Variants in SEMA3A observed in about 807,000 individuals in gnomAD.
SEMA3A encodes semaphorin-3A.
SEMA3A carries 29 observed loss-of-function variants against 97.9 expected under a neutral mutation model. The ratio of observed to expected loss-of-function variants is 0.30; its 90% CI spans 0.22 to 0.40. The LOEUF (loss-of-function observed/expected upper bound fraction) is 0.40. Ranked by LOEUF, SEMA3A falls within the 10% of genes least tolerant of loss-of-function variation. The pLI, the probability that SEMA3A is intolerant of heterozygous loss-of-function variation, is 1.00. For synonymous variants in SEMA3A, 321 were observed against 323.7 expected, an observed-to-expected ratio of 0.99 and a Z score of 0.09; for missense variants, 763 against 951.3, an observed-to-expected ratio of 0.80 and a Z score of 2.60.
At chr7:84,155,233 T>C (rs1243289075) in intron 1 of SEMA3A, among the ~76,000 whole-genome samples, 2 of 152,180 alleles carry the variant, frequency 1.3e-5, no homozygotes, top group African/African-American at 2.4e-5. Flanking sequence ...CTGCCTATGA[T>C]TGAATCAGCA....
intron 2 of SEMA3A, among the ~76,000 whole-genome samples, chr7:84,350,241 TCTC>T (rs768736949): frequency 6.6e-6 from 1 of 152,146 alleles, no homozygotes; most frequent in Non-Finnish European, 1.5e-5. Flanking sequence ...TCATTCTACA[TCTC>T]CTCCTTTACT....
At chr7:84,367,826 T>C (rs16887701) in intron 2 of SEMA3A, among the ~76,000 whole-genome samples, 34,183 of 151,052 alleles carry the variant, frequency 0.23, 4,977 homozygotes, top group East Asian at 0.63. Flanking sequence ...AGAAACTGCA[T>C]TGAATTCTTT....
intron 1 of SEMA3A, among the ~76,000 whole-genome samples, chr7:84,396,421 A>G (rs1009600140): frequency 1.3e-5 from 2 of 151,942 alleles, no homozygotes; most frequent in Non-Finnish European, 2.9e-5. Flanking sequence ...GACAAAGAGA[A>G]TGTTTTAGAA....
intron 1 of SEMA3A, among the ~76,000 whole-genome samples, chr7:84,185,834 G>A (rs1164914151): frequency 2.6e-5 from 4 of 151,482 alleles, no homozygotes; most frequent in Admixed American, 6.6e-5. Flanking sequence ...CAAAATCAAC[G>A]TCCTTTTCTT....
At chr7:84,162,592 T>A (rs1557935) in intron 1 of SEMA3A, among the ~76,000 whole-genome samples, 60,493 of 150,810 alleles carry the variant, frequency 0.4, 13,883 homozygotes, top group African/African-American at 0.64. Context: ...AATTTTTTTT[T>A]AAAAAAAAAT....
chr7:84,257,680 A>C (rs1368186810), intron 3 of SEMA3A, among the ~76,000 whole-genome samples: 1 of 152,130 alleles, frequency 6.6e-6, no homozygotes, highest in Non-Finnish European at 1.5e-5. Context: ...TTCATCAACT[A>C]TGTGTGTATT....
chr7:84,382,282 ATT>A (rs1287553612), intron 1 of SEMA3A, among the ~76,000 whole-genome samples: 3 of 151,302 alleles, frequency 2.0e-5, no homozygotes, highest in Admixed American at 2.0e-4. Context: ...TAATTTTTGT[ATT>A]TTAGTAGAGA....
At chr7:84,034,785 T>G (rs1314343759) in intron 6 of SEMA3A, among the ~76,000 whole-genome samples, 2 of 78,464 alleles carry the variant, frequency 2.5e-5, no homozygotes, top group African/African-American at 8.3e-5. Flanking sequence ...TCCTGTTTTT[T>G]TGTCTTTTTT....
chr7:84,316,755 T>A (rs1177625451), intron 2 of SEMA3A, among the ~76,000 whole-genome samples: 1 of 152,086 alleles, frequency 6.6e-6, no homozygotes, highest in Non-Finnish European at 1.5e-5. Flanking sequence ...AGAAGCAGAT[T>A]TTTTTTTCCA....
intron 2 of SEMA3A, among the ~76,000 whole-genome samples, chr7:84,366,102 T>C (rs1255711835): frequency 6.6e-6 from 1 of 151,360 alleles, no homozygotes; most frequent in Non-Finnish European, 1.5e-5. Context: ...GACAGACACA[T>C]TATTATTTTT....
chr7:84,098,352 T>G (rs2115885521), intron 4 of SEMA3A, among the ~76,000 whole-genome samples: 1 of 152,160 alleles, frequency 6.6e-6, no homozygotes, highest in African/African-American at 2.4e-5. Context: ...AAAAATATAG[T>G]TATATTTTTC....
At chr7:84,298,498 G>T (rs1261899999) in intron 3 of SEMA3A, among the ~76,000 whole-genome samples, 1 of 152,084 alleles carries the variant, frequency 6.6e-6, no homozygotes, top group East Asian at 1.9e-4. Context: ...TTAGCAAATG[G>T]GAGTTAGAGA....
At chr7:84,480,423 A>T (rs952376584) in intron 1 of SEMA3A, among the ~76,000 whole-genome samples, 1 of 152,212 alleles carries the variant, frequency 6.6e-6, no homozygotes, top group Non-Finnish European at 1.5e-5. Flanking sequence ...TCCATTCAGT[A>T]ATTTTCTTCC....
chr7:84,148,378 G>A (rs7804563), intron 1 of SEMA3A, among the ~76,000 whole-genome samples: 123,172 of 152,042 alleles, frequency 0.81, 49,987 homozygotes, highest in East Asian at 0.92. Flanking sequence ...AGCTCCGTGC[G>A]GAAGGATGGA....
At chr7:84,153,670 T>C (rs1276453141) in intron 1 of SEMA3A, among the ~76,000 whole-genome samples, 3 of 152,134 alleles carry the variant, frequency 2.0e-5, no homozygotes, top group Non-Finnish European at 4.4e-5. Flanking sequence ...AATATAGATA[T>C]ACCATTTGAG....
rs148564173 is a variant in SEMA3A, at chr7:84,021,124, A to G, written c.668-6773T>C. On this transcript the variant is annotated intron_variant, in intron 6 of 16. Coordinates refer to ENST00000265362, the MANE Select transcript of SEMA3A (RefSeq NM_006080.3). Reference sequence around the variant, plus strand: ...GGAAATGGGAAACCTTGTCAGTTACATTATTCACAGTGTTGCTAATATGCA... The same window carrying G: ...GGAAATGGGAAACCTTGTCAGTTACGTTATTCACAGTGTTGCTAATATGCA... Among the ~76,000 whole-genome samples, 12 of 152,298 alleles carry G rather than the reference A, an allele frequency of 7.9e-5. No homozygotes were observed. The East Asian group carries it at 1.9e-3, about 25-fold the overall frequency.
intron 3 of SEMA3A, among the ~76,000 whole-genome samples, chr7:84,200,334 A>G (rs1162334170): frequency 6.6e-6 from 1 of 152,152 alleles, no homozygotes; most frequent in Non-Finnish European, 1.5e-5. Flanking sequence ...TCAGATAGTC[A>G]TTAATGATGG....
In SEMA3A at chr7:84,096,045, T is replaced by A. The variant is rs181608598; in HGVS notation, c.453+14425A>T. Among the ~76,000 whole-genome samples, 8 of 152,204 alleles carry A rather than the reference T, an allele frequency of 5.3e-5. No homozygotes were observed. In the East Asian group the frequency reaches 1.5e-3, roughly 29 times the overall value. On this transcript the variant is annotated intron_variant, in intron 4 of 16. Transcript: ENST00000265362. ...CTATATTTTAACAATAATTATTGAATGTTACTAATAAGCATTCAATTTAAT... is the reference window on the plus strand; with the variant it reads ...CTATATTTTAACAATAATTATTGAAAGTTACTAATAAGCATTCAATTTAAT...
chr7:84,313,405 T>TATATATATAA (rs1454447733), intron 2 of SEMA3A, among the ~76,000 whole-genome samples: 2 of 107,122 alleles, frequency 1.9e-5, no homozygotes, highest in African/African-American at 9.2e-5. Context: ...TATATATATA[T>TATATATATAA]AAACTATACG....
Sources: allele counts gnomAD v4.1 joint callset (sites outside exome capture counted in the v4.1 genomes callset), GRCh38; gene constraint gnomAD v4.1.1; transcripts MANE v1.5; gene names NCBI Gene and HGNC (gene_info 2026-07-23, HGNC 2026-07-21).